MECOM: variants seen among roughly 807,000 people sequenced by gnomAD.
The protein encoded by MECOM is MDS1 and EVI1 complex locus, also known as histone-lysine N-methyltransferase MECOM.
A neutral mutation model predicts 116.3 loss-of-function variants in MECOM; 13 were observed. That is an observed-to-expected ratio of 0.11 (90% confidence interval 0.07 to 0.18). The LOEUF is 0.18. Among genes scored for constraint, MECOM ranks in the 10% least tolerant of loss-of-function variants. The pLI, the probability that MECOM is intolerant of heterozygous loss-of-function variation, is 1.00. For missense variants in MECOM, 1,299 were observed against 1,509.0 expected (o/e 0.86, Z 2.31); for synonymous variants, 528 against 535.2 (o/e 0.99, Z 0.19).
At chr3:169,214,135 C>A (rs1004529857) in intron 2 of MECOM, among the ~76,000 whole-genome samples, 1 of 152,064 alleles carries the variant, frequency 6.6e-6, no homozygotes, top group Non-Finnish European at 1.5e-5. Context: ...TTAAGACAGG[C>A]AATACAGCTA....
intron 3 of MECOM, among the ~76,000 whole-genome samples, chr3:169,132,224 G>A (rs949430433): frequency 2.6e-5 from 4 of 152,074 alleles, no homozygotes; most frequent in African/African-American, 4.8e-5. Flanking sequence ...TTGCTTTCTA[G>A]CAAAGTGCTG....
At chr3:169,498,414 G>A (rs1214067300) in intron 1 of MECOM, among the ~76,000 whole-genome samples, 5 of 152,142 alleles carry the variant, frequency 3.3e-5, no homozygotes, top group African/African-American at 9.7e-5. Context: ...AGTTTTCATG[G>A]ACCATAAAAG....
At chr3:169,609,240 G>A (rs2109805953) in intron 1 of MECOM, among the ~76,000 whole-genome samples, 1 of 152,190 alleles carries the variant, frequency 6.6e-6, no homozygotes, top group East Asian at 1.9e-4. Flanking sequence ...GCCTCCTCTG[G>A]GGCACAGAGG....
intron 1 of MECOM, among the ~76,000 whole-genome samples, chr3:169,594,297 A>ACCTATTCT (rs1161943057): frequency 6.6e-6 from 1 of 152,082 alleles, no homozygotes; most frequent in Admixed American, 6.6e-5. Context: ...TGTGAAAATG[A>ACCTATTCT]CCTATTCTCA....
At chr3:169,488,372 C>CAAAAAAAA (rs758493062) in intron 1 of MECOM, among the ~76,000 whole-genome samples, 321 of 62,354 alleles carry the variant, frequency 5.1e-3, no homozygotes, top group Non-Finnish European at 6.3e-3. Flanking sequence ...ACTAAAAATA[C>CAAAAAAAA]AAAAAAAAAA....
chr3:169,202,819 CAAAAAAAA>C (rs11287862), intron 2 of MECOM, among the ~76,000 whole-genome samples: 16 of 90,284 alleles, frequency 1.8e-4, no homozygotes, highest in African/African-American at 6.8e-4. Context: ...TTGCCATTAG[CAAAAAAAA>C]AAAAAAAAAA....
At chr3:169,285,532 C>T (rs958110382) in intron 2 of MECOM, among the ~76,000 whole-genome samples, 2 of 152,180 alleles carry the variant, frequency 1.3e-5, no homozygotes, top group Non-Finnish European at 2.9e-5. Flanking sequence ...CTCCGAACTT[C>T]CTTCATATCT....
At chr3:169,104,472 A>T (rs1415170022) in intron 10 of MECOM, among the ~76,000 whole-genome samples, 1 of 152,200 alleles carries the variant, frequency 6.6e-6, no homozygotes, top group Non-Finnish European at 1.5e-5. Context: ...GATTAGTACT[A>T]CTAACAAGCA....
In MECOM at chr3:169,511,528, G is replaced by A. The variant is rs533246277; in HGVS notation, c.38-130004C>T. On this transcript the variant is annotated intron_variant, in intron 1 of 16. Transcript: ENST00000651503. ...TGTAGTCCCAGCACTTTGGGAGGCC[G>A]AGGTGGGCAGATCACTTGAGGCCGG... is the stretch of plus-strand genomic sequence containing the variant. Among the ~76,000 whole-genome samples the A allele has an allele frequency of 6.5e-3, 988 of 152,276 alleles. 14 individuals carry two copies. Among genetic ancestry groups the A allele is most frequent in the Middle Eastern group, 0.017 (5 of 294 alleles).
intron 1 of MECOM, among the ~76,000 whole-genome samples, chr3:169,504,150 AGTGTGTGTGTGT>A (rs3044764): frequency 0.025 from 3,262 of 132,694 alleles, 61 homozygotes; most frequent in South Asian, 0.053. Flanking sequence ...GAAAAAGAGA[AGTGTGTGTGTGT>A]GTGTGTGTGT....
intron 2 of MECOM, among the ~76,000 whole-genome samples, chr3:169,288,283 C>G (rs151074831): frequency 6.6e-6 from 1 of 151,016 alleles, no homozygotes; most frequent in African/African-American, 2.4e-5. Context: ...GGGGAATAGG[C>G]AAGAAAAATA....
intron 2 of MECOM, among the ~76,000 whole-genome samples, chr3:169,364,068 T>C (rs866386775): frequency 2.0e-5 from 3 of 151,952 alleles, no homozygotes; most frequent in Admixed American, 6.6e-5. Flanking sequence ...CTTAAGTACA[T>C]CTGTTCAATT....
At chr3:169,314,895 C>G (rs1719469407) in intron 2 of MECOM, among the ~76,000 whole-genome samples, 11 of 152,282 alleles carry the variant, frequency 7.2e-5, no homozygotes, top group African/African-American at 2.2e-4. Context: ...CCCTTATTCT[C>G]CTGAATATTT....
At chr3:169,586,845 C>T (rs888185660) in intron 1 of MECOM, among the ~76,000 whole-genome samples, 8 of 152,182 alleles carry the variant, frequency 5.3e-5, no homozygotes, top group African/African-American at 1.4e-4. Flanking sequence ...ATGTTCTCTG[C>T]GCAGCAGCTT....
chr3:169,400,872 A>G (rs9814713), intron 1 of MECOM, among the ~76,000 whole-genome samples: 9,224 of 152,208 alleles, frequency 0.061, 624 homozygotes, highest in African/African-American at 0.16. Context: ...TGGAAATGCA[A>G]TCTAAGAGAA....
intron 2 of MECOM, among the ~76,000 whole-genome samples, chr3:169,332,581 G>A (rs1233342974): frequency 4.6e-5 from 7 of 152,020 alleles, no homozygotes; most frequent in Non-Finnish European, 7.4e-5. Flanking sequence ...CAATATAAGG[G>A]CAAAATACAA....
intron 1 of MECOM, among the ~76,000 whole-genome samples, chr3:169,388,595 AT>A (rs1239626156): frequency 2.6e-4 from 39 of 152,356 alleles, no homozygotes; most frequent in Admixed American, 9.1e-4. Context: ...AGGGTGCAGA[AT>A]TACAGGCTTA....
intron 1 of MECOM, among the ~76,000 whole-genome samples, chr3:169,472,598 G>A (rs189543193): frequency 1.6e-5 from 1 of 62,718 alleles, no homozygotes; most frequent in Non-Finnish European, 2.7e-5. Flanking sequence ...GAAAGGAAAG[G>A]AAAGGAAAGG....
At chr3:169,275,186 C>T (rs960424369) in intron 2 of MECOM, among the ~76,000 whole-genome samples, 1 of 152,104 alleles carries the variant, frequency 6.6e-6, no homozygotes, top group African/African-American at 2.4e-5. Flanking sequence ...ATAGGACCTG[C>T]TAAAATAGTA....
Sources: gnomAD v4.1 joint callset for allele counts (sites outside exome capture counted in the v4.1 genomes callset) on GRCh38, gnomAD v4.1.1 for gene constraint, MANE v1.5 for transcripts, NCBI Gene and HGNC (gene_info 2026-07-23, HGNC 2026-07-21) for gene names.